CCDC148: variants seen among roughly 807,000 people sequenced by gnomAD.
The protein encoded by CCDC148 is coiled-coil domain-containing protein 148.
Under a neutral mutation model 85.7 loss-of-function variants are expected in CCDC148, and 89 were observed. The ratio of observed to expected loss-of-function variants is 1.04; its 90% CI spans 0.87 to 1.24. The LOEUF (loss-of-function observed/expected upper bound fraction) is 1.24, where lower values mean the gene tolerates loss of function less well. CCDC148 is among the 50% of genes most tolerant of loss of function. The probability of loss-of-function intolerance (pLI) is 0.00; values close to 1 mark genes in which losing one functional copy is unlikely to be tolerated. For missense variants in CCDC148, 692 were observed against 671.7 expected (o/e 1.03, Z -0.33); for synonymous variants, 230 against 213.9 (o/e 1.08, Z -0.66).
chr2:158,218,859 C>G (rs1351899161), intron 11 of CCDC148, among the ~76,000 whole-genome samples: 1 of 152,208 alleles, frequency 6.6e-6, no homozygotes, highest in Non-Finnish European at 1.5e-5. Context: ...TCTCAGTTCT[C>G]TCAGTAACAG....
chr2:158,379,680 G>A (rs1684791762), intron 1 of CCDC148, among the ~76,000 whole-genome samples: 1 of 152,094 alleles, frequency 6.6e-6, no homozygotes, highest in African/African-American at 2.4e-5. Flanking sequence ...CATCAACATT[G>A]AGGCAAGACC....
At chr2:158,183,744 G>A (rs559254313) in intron 11 of CCDC148, among the ~76,000 whole-genome samples, 2 of 152,244 alleles carry the variant, frequency 1.3e-5, no homozygotes, top group South Asian at 2.1e-4. Context: ...AAGTCATGTG[G>A]CTTAGTCAAT....
chr2:158,409,446 C>G (rs1686165376), intron 1 of CCDC148, among the ~76,000 whole-genome samples: 1 of 152,222 alleles, frequency 6.6e-6, no homozygotes, highest in Admixed American at 6.5e-5. Context: ...CATTTTAGAG[C>G]TTTAAGATTT....
intron 11 of CCDC148, among the ~76,000 whole-genome samples, chr2:158,205,025 T>A (rs1409187818): frequency 1.3e-5 from 2 of 152,018 alleles, no homozygotes; most frequent in African/African-American, 4.8e-5. Context: ...ATGGGCAACA[T>A]TAAGGCATCT....
chr2:158,326,734 A>C (rs1692795279), intron 7 of CCDC148, among the ~76,000 whole-genome samples: 1 of 152,146 alleles, frequency 6.6e-6, no homozygotes, highest in African/African-American at 2.4e-5. Flanking sequence ...CATATGGTTC[A>C]AAATTCAAAA....
chr2:158,242,312 A>G (rs1267179837), intron 10 of CCDC148, among the ~76,000 whole-genome samples: 4 of 152,106 alleles, frequency 2.6e-5, no homozygotes, highest in Non-Finnish European at 5.9e-5. Flanking sequence ...CTTCTGCTCT[A>G]CCATTCCACT....
At position 158,456,472 on chromosome 2, in the gene CCDC148, C is replaced by A. The variant is rs1688748217; in HGVS notation, c.-33G>T. 1 of 1,605,010 alleles carries A rather than the reference C, an allele frequency of 6.2e-7. No homozygotes were observed. Among genetic ancestry groups the A allele is most frequent in the Non-Finnish European group, 8.5e-7 (1 of 1,175,876 alleles). ...GTCAAAGGGCATAGCCTCAGGGACT[C>A]CCCAAACGCAGGAAAAGTGAAACGC... is the stretch of plus-strand genomic sequence containing the variant. On this transcript the variant is annotated 5_prime_UTR_variant, in exon 1 of 14. Transcript: ENST00000283233.
chr2:158,360,592 A>G (rs1683895958), intron 1 of CCDC148, among the ~76,000 whole-genome samples: 1 of 152,202 alleles, frequency 6.6e-6, no homozygotes, highest in African/African-American at 2.4e-5. Flanking sequence ...CCTGACTGTT[A>G]GAAGGAAAAC....
chr2:158,456,412 C>T lies in CCDC148; in HGVS notation c.25+3G>A. The T allele has an allele frequency of 6.2e-7, 1 of 1,611,678 alleles. No individual in the cohort carries two copies. Among genetic ancestry groups the T allele is most frequent in the Non-Finnish European group, 8.5e-7 (1 of 1,179,040 alleles). On this transcript the variant is annotated splice_donor_region_variant and intron_variant, in intron 1 of 13. Coordinates refer to ENST00000283233, the MANE Select transcript of CCDC148 (RefSeq NM_138803.4). ...CGATGGAAGGGATGGGGTGCAAACT[C>T]ACCTGGAGAAGCAGAAGCTGCACAC...
At chr2:158,420,580 A>G (rs1046708518) in intron 1 of CCDC148, among the ~76,000 whole-genome samples, 1 of 152,172 alleles carries the variant, frequency 6.6e-6, no homozygotes, top group Admixed American at 6.6e-5. Flanking sequence ...AAGAGCTCCC[A>G]AAGGAAGCAT....
intron 8 of CCDC148, among the ~76,000 whole-genome samples, chr2:158,312,592 A>C (rs1381644415): frequency 8.6e-5 from 13 of 150,590 alleles, no homozygotes; most frequent in Admixed American, 4.6e-4. Context: ...AAAAAAAAAA[A>C]AAAAACCAAA....
At chr2:158,239,274 T>C (rs2105319526) in intron 10 of CCDC148, among the ~76,000 whole-genome samples, 1 of 152,084 alleles carries the variant, frequency 6.6e-6, no homozygotes, top group East Asian at 1.9e-4. Flanking sequence ...ATCTGGCTCC[T>C]GATTATCCAG....
chr2:158,360,400 A>C (rs1185811493), intron 1 of CCDC148, among the ~76,000 whole-genome samples: 2 of 152,178 alleles, frequency 1.3e-5, no homozygotes, highest in Non-Finnish European at 2.9e-5. Context: ...GCAGGGGCAG[A>C]CAGACATCTC....
intron 9 of CCDC148, among the ~76,000 whole-genome samples, chr2:158,300,203 A>T (rs1691376970): frequency 6.6e-6 from 1 of 152,230 alleles, no homozygotes. Context: ...TACATTAGAA[A>T]GAAGGTAGTG....
chr2:158,330,569 G>T (rs988160497), intron 7 of CCDC148, among the ~76,000 whole-genome samples: 6 of 152,030 alleles, frequency 3.9e-5, no homozygotes, highest in African/African-American at 7.2e-5. Flanking sequence ...ATTGGAATAG[G>T]TTCAGAAGGA....
chr2:158,216,469 T>C (rs1049577390), intron 11 of CCDC148, among the ~76,000 whole-genome samples: 1 of 137,962 alleles, frequency 7.2e-6, no homozygotes, highest in African/African-American at 2.7e-5. Flanking sequence ...TGATCTCGGC[T>C]CACTGCAACC....
At position 158,347,976 on chromosome 2, in the gene CCDC148, A is replaced by C. The variant is rs547088068; in HGVS notation, c.148-2658T>G. On this transcript the variant is annotated intron_variant, in intron 2 of 13. Transcript: ENST00000283233. ...TTGACAAAAACTCAATTGTTTAACA[A>C]AACACTGTGAGGCTACAGAAAGCAT... Among the ~76,000 whole-genome samples, 10 of 152,258 alleles carry C rather than the reference A, an allele frequency of 6.6e-5. No homozygotes were observed. The East Asian group carries it at 1.9e-3, about 29-fold the overall frequency.
At chr2:158,352,935 G>C (rs13401606) in intron 2 of CCDC148, among the ~76,000 whole-genome samples, 4,101 of 150,974 alleles carry the variant, frequency 0.027, 83 homozygotes, top group East Asian at 0.066. Context: ...CATTCTTAAA[G>C]AAAAGAATTT....
intron 9 of CCDC148, among the ~76,000 whole-genome samples, chr2:158,281,435 T>A (rs566121633): frequency 1.3e-5 from 2 of 152,018 alleles, no homozygotes; most frequent in South Asian, 4.2e-4. Context: ...TAAAAAATGA[T>A]AAAGGGGATA....
Sources: allele counts gnomAD v4.1 joint callset (sites outside exome capture counted in the v4.1 genomes callset), GRCh38; gene constraint gnomAD v4.1.1; transcripts MANE v1.5; gene names NCBI Gene and HGNC (gene_info 2026-07-23, HGNC 2026-07-21).